HS6ST3: variants seen among roughly 807,000 people sequenced by gnomAD.
The protein encoded by HS6ST3 is heparan-sulfate 6-O-sulfotransferase 3.
In HS6ST3, 12 loss-of-function variants were observed where a neutral mutation model predicts 36.7. The ratio of observed to expected loss-of-function variants is 0.33; its 90% confidence interval spans 0.21 to 0.53. The LOEUF is 0.53. HS6ST3 is among the 20% of genes least tolerant of loss of function. HS6ST3 has a pLI of 0.95. For missense variants in HS6ST3, 584 were observed against 640.9 expected (o/e 0.91, Z 0.96); for synonymous variants, 240 against 257.5 (o/e 0.93, Z 0.65).
At chr13:96,575,337 A>G (rs553796250) in intron 1 of HS6ST3, among the ~76,000 whole-genome samples, 12 of 152,168 alleles carry the variant, frequency 7.9e-5, no homozygotes, top group Non-Finnish European at 1.6e-4. Flanking sequence ...CCACTTGTCT[A>G]CCTTGCTCAC....
intron 1 of HS6ST3, among the ~76,000 whole-genome samples, chr13:96,645,138 C>G (rs909521969): frequency 6.6e-6 from 1 of 151,876 alleles, no homozygotes; most frequent in East Asian, 1.9e-4. Context: ...GTGCTGCTCA[C>G]TTCTGGTAAA....
chr13:96,091,092 GGCCCCCCGAGGGACCTCGGGGGGCCGC>G lies in HS6ST3; in HGVS notation c.232_258del (p.Pro78_Ala86del). The G allele has an allele frequency of 7.7e-7, 1 of 1,301,812 alleles. No homozygotes were observed. The highest frequency in any genetic ancestry group is 9.7e-7 in the Non-Finnish European group (1 of 1,029,948). The allele number at this position is 1,301,812 out of a possible 1,614,324, so 80.6% of individuals were successfully genotyped here. Reference sequence around the variant, plus strand: ...CCCCAGTTGCCCCCGCCGCCCCGGGGGCCCCCCGAGGGACCTCGGGGGGCCGCGGCGCCGGAGGAGGAGGACGAGGAG... The same window carrying G: ...CCCCAGTTGCCCCCGCCGCCCCGGGGGGCGCCGGAGGAGGAGGACGAGGAG... On this transcript the variant is annotated inframe_deletion, in exon 1 of 2. Coordinates refer to ENST00000376705, the MANE Select transcript of HS6ST3 (RefSeq NM_153456.4).
intron 1 of HS6ST3, among the ~76,000 whole-genome samples, chr13:96,158,390 G>T (rs1021418542): frequency 6.6e-6 from 1 of 152,048 alleles, no homozygotes; most frequent in African/African-American, 2.4e-5. Context: ...GGAACCCCAA[G>T]AAAAAGGTGG....
At chr13:96,145,456 TGA>T (rs2054053013) in intron 1 of HS6ST3, among the ~76,000 whole-genome samples, 1 of 152,210 alleles carries the variant, frequency 6.6e-6, no homozygotes, top group Non-Finnish European at 1.5e-5. Flanking sequence ...TGTCTTCTTT[TGA>T]GAAGTGTCTG....
intron 1 of HS6ST3, among the ~76,000 whole-genome samples, chr13:96,367,999 A>G (rs1012948200): frequency 2.0e-5 from 3 of 152,218 alleles, no homozygotes; most frequent in Admixed American, 2.0e-4. Flanking sequence ...AGTCGAAGAA[A>G]GTGCACAGAG....
intron 1 of HS6ST3, among the ~76,000 whole-genome samples, chr13:96,675,396 C>G (rs1283297901): frequency 6.6e-6 from 1 of 151,734 alleles, no homozygotes; most frequent in East Asian, 1.9e-4. Flanking sequence ...TTATATATGT[C>G]ACATTTGTTT....
At chr13:96,431,891 C>G (rs531525846) in intron 1 of HS6ST3, among the ~76,000 whole-genome samples, 1 of 152,322 alleles carries the variant, frequency 6.6e-6, no homozygotes, top group East Asian at 1.9e-4. Context: ...ATAGTCATAA[C>G]TCAGTGGTCT....
intron 1 of HS6ST3, among the ~76,000 whole-genome samples, chr13:96,579,958 C>T (rs1030323947): frequency 1.3e-5 from 2 of 152,076 alleles, no homozygotes; most frequent in Non-Finnish European, 2.9e-5. Flanking sequence ...TTGAATGCTG[C>T]TATCTTATAT....
At chr13:96,581,603 C>T (rs1392330701) in intron 1 of HS6ST3, among the ~76,000 whole-genome samples, 1 of 151,666 alleles carries the variant, frequency 6.6e-6, no homozygotes, top group Non-Finnish European at 1.5e-5. Context: ...CCTCAGGAAG[C>T]TGAGACAGTA....
intron 1 of HS6ST3, among the ~76,000 whole-genome samples, chr13:96,378,042 T>C (rs2055323103): frequency 6.6e-6 from 1 of 152,310 alleles, no homozygotes; most frequent in Non-Finnish European, 1.5e-5. Flanking sequence ...GTTAGTGTCA[T>C]CTGACAGTTT....
At chr13:96,775,251 A>G (rs1448441769) in intron 1 of HS6ST3, among the ~76,000 whole-genome samples, 1 of 152,144 alleles carries the variant, frequency 6.6e-6, no homozygotes, top group African/African-American at 2.4e-5. Context: ...AAGACCATCG[A>G]GACTATGAAG....
In HS6ST3 at chr13:96,238,856, G is replaced by A. The variant is rs535045342; in HGVS notation, c.707+147287G>A. On this transcript the variant is annotated intron_variant, in intron 1 of 1. Transcript: ENST00000376705. ...AGTGTTTATTCTACTTGGTGCCTAC[G>A]TGAAGAGAAAGGGTAAAAATGATCC... Among the ~76,000 whole-genome samples the A allele has an allele frequency of 1.3e-4, 20 of 152,290 alleles. No homozygotes were observed. The East Asian group carries it at 1.5e-3, about 12-fold the overall frequency.
chr13:96,119,930 T>C (rs2053917432), intron 1 of HS6ST3, among the ~76,000 whole-genome samples: 1 of 151,550 alleles, frequency 6.6e-6, no homozygotes, highest in South Asian at 2.1e-4. Flanking sequence ...CAGGATGGAA[T>C]TGTGTCCCCT....
chr13:96,126,239 A>T (rs376268351), intron 1 of HS6ST3, among the ~76,000 whole-genome samples: 2 of 152,054 alleles, frequency 1.3e-5, no homozygotes, highest in African/African-American at 2.4e-5. Flanking sequence ...AGTAGGGGCC[A>T]TGTGGTTTAT....
chr13:96,784,097 GAAA>G (rs36068908), intron 1 of HS6ST3, among the ~76,000 whole-genome samples: 2 of 127,614 alleles, frequency 1.6e-5, no homozygotes, highest in East Asian at 2.4e-4. Flanking sequence ...TTCTTGCTGA[GAAA>G]AAAAAAAAAA....
chr13:96,276,365 A>G (rs1360411617), intron 1 of HS6ST3, among the ~76,000 whole-genome samples: 1 of 152,048 alleles, frequency 6.6e-6, no homozygotes, highest in Non-Finnish European at 1.5e-5. Context: ...GCCATCACCT[A>G]ATCTTTCCTT....
At chr13:96,103,639 A>T (rs1039442457) in intron 1 of HS6ST3, among the ~76,000 whole-genome samples, 1 of 152,188 alleles carries the variant, frequency 6.6e-6, no homozygotes, top group Non-Finnish European at 1.5e-5. Context: ...GTGCTATACA[A>T]ATTTAAATTT....
chr13:96,804,063 C>T (rs1878143113), intron 1 of HS6ST3, among the ~76,000 whole-genome samples: 1 of 151,648 alleles, frequency 6.6e-6, no homozygotes, highest in Non-Finnish European at 1.5e-5. Context: ...GCATCTAAAA[C>T]ATGAGCTTAT....
intron 1 of HS6ST3, among the ~76,000 whole-genome samples, chr13:96,392,489 G>A (rs985566683): frequency 2.6e-5 from 4 of 152,146 alleles, no homozygotes; most frequent in African/African-American, 7.2e-5. Flanking sequence ...TGAGCACTTG[G>A]AACAAAGACA....
Sources: gnomAD v4.1 joint callset for allele counts (sites outside exome capture counted in the v4.1 genomes callset) on GRCh38, gnomAD v4.1.1 for gene constraint, MANE v1.5 for transcripts, NCBI Gene and HGNC (gene_info 2026-07-23, HGNC 2026-07-21) for gene names.